Variants in SNTG1 observed in about 807,000 individuals in gnomAD.
SNTG1 encodes the protein gamma-1-syntrophin.
Under a neutral mutation model 74.7 loss-of-function variants are expected in SNTG1, and 39 were observed. The observed-to-expected ratio is 0.52, with a 90% confidence interval of 0.40 to 0.68. SNTG1 has a LOEUF of 0.68. Among genes scored for constraint, SNTG1 ranks in the 30% least tolerant of loss-of-function variants. The pLI is 0.00. For synonymous variants in SNTG1, 254 were observed against 217.1 expected (o/e 1.17, Z -1.49); for missense variants, 685 against 609.5 (o/e 1.12, Z -1.30).
intron 2 of SNTG1, among the ~76,000 whole-genome samples, chr8:50,344,193 T>C (rs183836689): frequency 6.6e-6 from 1 of 152,366 alleles, no homozygotes; most frequent in East Asian, 1.9e-4. Context: ...ACCATTTTTA[T>C]ATATACCTTA....
At chr8:50,457,872 T>A (rs368810652) in intron 8 of SNTG1, 1 of 152,358 alleles carries the variant, frequency 6.6e-6, no homozygotes, top group East Asian at 1.9e-4. Flanking sequence ...GAAAGGTACA[T>A]TCTGGGCAGT....
intron 13 of SNTG1, among the ~76,000 whole-genome samples, chr8:50,641,364 C>T (rs1254696299): frequency 2.6e-5 from 4 of 152,090 alleles, no homozygotes; most frequent in African/African-American, 4.8e-5. Context: ...AACACATCTG[C>T]CCACTTCCCT....
At chr8:49,986,574 C>A (rs891663393) in intron 1 of SNTG1, among the ~76,000 whole-genome samples, 3 of 152,022 alleles carry the variant, frequency 2.0e-5, no homozygotes, top group Non-Finnish European at 4.4e-5. Context: ...GTAATCCCAG[C>A]ACTTTTGGAG....
At chr8:50,745,868 G>A (rs1484176562) in intron 17 of SNTG1, among the ~76,000 whole-genome samples, 1 of 151,836 alleles carries the variant, frequency 6.6e-6, no homozygotes, top group Non-Finnish European at 1.5e-5. Context: ...TGGGGCAGTG[G>A]GGAAAGATAA....
chr8:50,134,682 G>A (rs2081415836), intron 1 of SNTG1, among the ~76,000 whole-genome samples: 1 of 152,044 alleles, frequency 6.6e-6, no homozygotes, highest in Non-Finnish European at 1.5e-5. Flanking sequence ...AATGAGAGAC[G>A]CTGAGGTGTG....
chr8:50,526,785 G>A (rs2094223708), intron 9 of SNTG1, among the ~76,000 whole-genome samples: 1 of 151,996 alleles, frequency 6.6e-6, no homozygotes, highest in Non-Finnish European at 1.5e-5. Flanking sequence ...CACCACACCA[G>A]GCTAATTTTT....
At chr8:50,367,578 CTTACT>C (rs2092150140) in intron 2 of SNTG1, among the ~76,000 whole-genome samples, 1 of 152,096 alleles carries the variant, frequency 6.6e-6, no homozygotes, top group Admixed American at 6.6e-5. Flanking sequence ...GCAAAATGTA[CTTACT>C]TTAACAACTG....
chr8:50,777,683 CTCTT>C (rs1307181757), intron 18 of SNTG1, among the ~76,000 whole-genome samples: 1 of 150,786 alleles, frequency 6.6e-6, no homozygotes, highest in African/African-American at 2.4e-5. Context: ...TTCTCTCTCT[CTCTT>C]TTTTTTAATT....
Position 50,394,229 on chromosome 8 carries a change from G to A in SNTG1, c.-10G>A, listed in dbSNP as rs1277474705. On this transcript the variant is annotated 5_prime_UTR_variant, in exon 3 of 19. Transcript: ENST00000642720. ...CTTTTCAGACGACATCCTTTGTGGT[G>A]CCACAGCACATGGATTTCAGAACCG... 2 of 1,612,646 alleles carry A rather than the reference G, an allele frequency of 1.2e-6. No homozygotes were observed. The highest frequency in any genetic ancestry group is 1.7e-6 in the Non-Finnish European group (2 of 1,179,182).
At chr8:50,516,536 A>AT (rs1233208808) in intron 9 of SNTG1, among the ~76,000 whole-genome samples, 1 of 152,158 alleles carries the variant, frequency 6.6e-6, no homozygotes, top group Non-Finnish European at 1.5e-5. Flanking sequence ...TGCAAGGAAG[A>AT]TAAAAACCTT....
intron 13 of SNTG1, among the ~76,000 whole-genome samples, chr8:50,643,554 A>T (rs2095087317): frequency 6.6e-6 from 1 of 152,082 alleles, no homozygotes; most frequent in Non-Finnish European, 1.5e-5. Flanking sequence ...CCCGAAAGTG[A>T]AGATTACTTC....
intron 2 of SNTG1, among the ~76,000 whole-genome samples, chr8:50,225,567 T>A (rs1213140394): frequency 6.6e-6 from 1 of 152,180 alleles, no homozygotes; most frequent in Non-Finnish European, 1.5e-5. Context: ...AACCAAGCTA[T>A]TGCCCAATCA....
chr8:50,656,948 C>A lies in SNTG1; in HGVS notation c.889C>A (p.Pro297Thr), dbSNP rs1484646172. The change falls in exon 14 of 19, where the codon CCC becomes ACC. Residue 297 changes from proline (P) to threonine (T), a missense_variant. By Grantham distance (38) the Pro-to-Thr change is conservative. Coordinates refer to ENST00000642720, the MANE Select transcript of SNTG1 (RefSeq NM_018967.5). ...CTGGTGTGAAGCCCGGGAGCAAGACCCCCTCCAGGACAGAGTGTACTCCCC... is the reference window on the plus strand; with the variant it reads ...CTGGTGTGAAGCCCGGGAGCAAGACACCCTCCAGGACAGAGTGTACTCCCC... ...MGWCEAREQD[P>T]LQDRVYSPTF... is the part of the protein sequence containing the mutation. 3.1e-6 allele frequency: 5 copies of A among 1,603,814 alleles called. No homozygotes were observed. The highest frequency in any genetic ancestry group is 4.3e-6 in the Non-Finnish European group (5 of 1,174,768).
Position 50,795,937 on chromosome 8 carries a change from A to G in SNTG1, c.*3108A>G, listed in dbSNP as rs1045321107. 2 of 152,080 alleles carry G rather than the reference A, an allele frequency of 1.3e-5. No homozygotes were observed. The highest frequency in any genetic ancestry group is 2.4e-5 in the African/African-American group (1 of 41,434). 9.4% of individuals were successfully genotyped at this position (152,080 alleles called of 1,614,324 possible). ...ATATTTCAGGCATGTACCAACTTATAATTTTGAAATCTTCGCTCATAAAGC... is the reference window on the plus strand; with the variant it reads ...ATATTTCAGGCATGTACCAACTTATGATTTTGAAATCTTCGCTCATAAAGC... On this transcript the variant is annotated 3_prime_UTR_variant, in exon 19 of 19. Coordinates refer to ENST00000642720, the MANE Select transcript of SNTG1 (RefSeq NM_018967.5).
At chr8:50,557,935 T>A (rs1296274975) in intron 12 of SNTG1, among the ~76,000 whole-genome samples, 1 of 152,200 alleles carries the variant, frequency 6.6e-6, no homozygotes, top group African/African-American at 2.4e-5. Context: ...CCAGAGCTTC[T>A]TGCAGTTCAC....
chr8:50,664,148 GC>G (rs1371918425), intron 15 of SNTG1, among the ~76,000 whole-genome samples: 4 of 152,098 alleles, frequency 2.6e-5, no homozygotes, highest in African/African-American at 9.7e-5. Context: ...AAAAACAAAA[GC>G]AAAAACTAGA....
intron 2 of SNTG1, among the ~76,000 whole-genome samples, chr8:50,176,839 C>T (rs970512877): frequency 6.6e-6 from 1 of 152,104 alleles, no homozygotes; most frequent in African/African-American, 2.4e-5. Flanking sequence ...TTTTATTGTT[C>T]GTATTGTCTA....
chr8:50,695,575 G>A (rs1226774605), intron 15 of SNTG1, among the ~76,000 whole-genome samples: 3 of 151,520 alleles, frequency 2.0e-5, no homozygotes. Flanking sequence ...TGAGCTTCTA[G>A]TGCGCCTATT....
intron 2 of SNTG1, among the ~76,000 whole-genome samples, chr8:50,297,120 C>T (rs539632292): frequency 7.9e-5 from 12 of 152,206 alleles, no homozygotes; most frequent in East Asian, 3.9e-4. Flanking sequence ...AATTATTTTT[C>T]GAATGGGAAA....
Sources: allele counts gnomAD v4.1 joint callset (sites outside exome capture counted in the v4.1 genomes callset), GRCh38; gene constraint gnomAD v4.1.1; transcripts MANE v1.5; gene names NCBI Gene and HGNC (gene_info 2026-07-23, HGNC 2026-07-21).